The following RASGEF1A variants were observed in gnomAD, a reference collection of about 807,000 sequenced individuals.
RASGEF1A encodes RasGEF domain family member 1A.
A neutral mutation model predicts 56.4 loss-of-function variants in RASGEF1A; 18 were observed. The observed-to-expected ratio is 0.32, with a 90% CI of 0.22 to 0.47. The LOEUF (loss-of-function observed/expected upper bound fraction) is 0.47, where lower values mean the gene tolerates loss of function less well. RASGEF1A is among the 20% of genes least tolerant of loss of function. RASGEF1A has a pLI of 1.00. For synonymous variants in RASGEF1A, 245 were observed against 242.6 expected (o/e 1.01, Z -0.09); for missense variants, 422 against 627.1 (o/e 0.67, Z 3.49).
chr10:43,229,568 C>A lies in RASGEF1A; in HGVS notation c.-6-23446G>T, dbSNP rs1445596638. The A allele has an allele frequency of 1.4e-5, 19 of 1,335,760 alleles. No individual in the cohort carries two copies. In the East Asian group the frequency reaches 1.8e-4, roughly 12 times the overall value. The allele number at this position is 1,335,760 out of a possible 1,614,324, so 82.7% of individuals were successfully genotyped here. A position where few individuals can be genotyped will look rare whatever the true frequency, so the allele number is the denominator to read the frequency against. On this transcript the variant is annotated intron_variant, in intron 1 of 12. Transcript: ENST00000395810. ...GGTCGGGATGCAGGGGACCGTCGCA[C>A]CCCTCCCGAGCCCGACAGCGCAAGA...
intron 1 of RASGEF1A, among the ~76,000 whole-genome samples, chr10:43,232,862 G>A (rs963574004): frequency 6.6e-6 from 1 of 152,174 alleles, no homozygotes; most frequent in Non-Finnish European, 1.5e-5. Context: ...CACCCTTGCT[G>A]TCTCCACACA....
intron 2 of RASGEF1A, 49 bp from the exon 3 acceptor site, chr10:43,203,469 C>T: frequency 1.4e-6 from 2 of 1,473,592 alleles, no homozygotes; most frequent in South Asian, 1.4e-5. Flanking sequence ...AGGCAGGCCC[C>T]CGGGGGCTCA....
intron 1 of RASGEF1A, among the ~76,000 whole-genome samples, chr10:43,245,026 G>T (rs7073849): frequency 6.6e-6 from 1 of 151,740 alleles, no homozygotes; most frequent in Non-Finnish European, 1.5e-5. Flanking sequence ...CCAAAAATGG[G>T]TTCTTTGAAA....
chr10:43,201,518 C>T (rs1564528902), intron 4 of RASGEF1A, among the ~76,000 whole-genome samples: 1 of 152,246 alleles, frequency 6.6e-6, no homozygotes, highest in Admixed American at 6.5e-5. Context: ...GGCTCCCACT[C>T]CAGGGACAAG....
chr10:43,259,894 C>T (rs981176052), intron 1 of RASGEF1A, among the ~76,000 whole-genome samples: 2 of 151,930 alleles, frequency 1.3e-5, no homozygotes, highest in Admixed American at 6.6e-5. Flanking sequence ...GGATGGCCAG[C>T]TCAGGAGCTG....
chr10:43,215,614 G>C (rs1339909229), intron 1 of RASGEF1A, among the ~76,000 whole-genome samples: 2 of 152,210 alleles, frequency 1.3e-5, no homozygotes, highest in African/African-American at 2.4e-5. Flanking sequence ...CCGGCACTGG[G>C]GTGGGGAAGG....
chr10:43,203,340 G>A lies in RASGEF1A; in HGVS notation c.279C>T (p.Ile93=). Residue 93 remains isoleucine, a synonymous_variant, in exon 3 of 13, where the codon ATC becomes ATT. Coordinates refer to ENST00000395810, the MANE Select transcript of RASGEF1A (RefSeq NM_145313.4). ...CCAGCTGCTGCTTCTGCTCCACGCA[G>A]ATCTGCCCCACGCGGGCCAGCAGGT... ...PHDLLARVGQ[I]CVEQKQQLEA... The A allele has an allele frequency of 6.3e-7, 1 of 1,580,526 alleles. No homozygotes were observed. The highest frequency in any genetic ancestry group is 8.6e-7 in the Non-Finnish European group (1 of 1,163,488).
chr10:43,200,164 A>C lies in RASGEF1A; in HGVS notation c.756+18T>G. On this transcript the variant is annotated intron_variant, in intron 6 of 12. Transcript: ENST00000395810. ...CAGACAGGGCTGGCAGGGGTGCCAC[A>C]GGCCTTGGCCCACTTACCCTGTGGT... is the stretch of plus-strand genomic sequence containing the variant. 1 of 1,578,416 alleles carries C rather than the reference A, an allele frequency of 6.3e-7. No homozygotes were observed.
At chr10:43,203,455 G>T in intron 2 of RASGEF1A, 35 bp from the exon 3 acceptor site, 1 of 1,489,232 alleles carries the variant, frequency 6.7e-7, no homozygotes, top group South Asian at 1.3e-5. Flanking sequence ...GCGGAGGGAG[G>T]GTGAGGCAGG....
At chr10:43,255,721 T>A (rs1840680435) in intron 1 of RASGEF1A, among the ~76,000 whole-genome samples, 1 of 152,228 alleles carries the variant, frequency 6.6e-6, no homozygotes, top group Non-Finnish European at 1.5e-5. Context: ...GACTCCCATG[T>A]CAGGGGAACC....
At chr10:43,222,305 T>C (rs1401739668) in intron 1 of RASGEF1A, among the ~76,000 whole-genome samples, 1 of 152,208 alleles carries the variant, frequency 6.6e-6, no homozygotes, top group Non-Finnish European at 1.5e-5. Flanking sequence ...TCCAAAGTGG[T>C]AAGTGTCTTC....
intron 1 of RASGEF1A, chr10:43,208,002 G>A (rs922177016): frequency 1.0e-6 from 1 of 964,012 alleles, no homozygotes; most frequent in South Asian, 4.8e-5. Flanking sequence ...ATTCACCTGT[G>A]TATCCTATCG....
At chr10:43,227,852 A>T (rs193251251) in intron 1 of RASGEF1A, among the ~76,000 whole-genome samples, 3 of 152,086 alleles carry the variant, frequency 2.0e-5, no homozygotes, top group African/African-American at 7.2e-5. Context: ...CCCCATCTCA[A>T]TGAAAACAGC....
chr10:43,229,506 G>A lies in RASGEF1A; in HGVS notation c.-6-23384C>T, dbSNP rs960241701. The A allele has an allele frequency of 1.2e-5, 8 of 669,228 alleles. No homozygotes were observed. In the South Asian group the frequency reaches 1.4e-4, roughly 11 times the overall value. 41.5% of individuals were successfully genotyped at this position (669,228 alleles called of 1,614,324 possible). On this transcript the variant is annotated intron_variant, in intron 1 of 12. Coordinates refer to ENST00000395810, the MANE Select transcript of RASGEF1A (RefSeq NM_145313.4). ...GCTCCAGCGGGGACGCACAGAGGGC[G>A]GCGCGCGGGTCCTCAGGGCGGGCAC...
Position 43,265,454 on chromosome 10 carries a change from C to T in RASGEF1A, c.-7+1391G>A, listed in dbSNP as rs187026566. Reference sequence around the variant, plus strand: ...GAGTGTGGGCCTGCTGCACCCGCCTCGCTGGGTCACTACCACCCACAGCCC... The same window carrying T: ...GAGTGTGGGCCTGCTGCACCCGCCTTGCTGGGTCACTACCACCCACAGCCC... On this transcript the variant is annotated intron_variant, in intron 1 of 12. Transcript: ENST00000395810. Among the ~76,000 whole-genome samples the T allele has an allele frequency of 2.8e-4, 43 of 152,358 alleles. 1 individual carries two copies. The East Asian group carries it at 6.9e-3, about 25-fold the overall frequency.
intron 1 of RASGEF1A, among the ~76,000 whole-genome samples, chr10:43,224,801 T>C (rs1840251700): frequency 6.6e-6 from 1 of 152,274 alleles, no homozygotes; most frequent in Admixed American, 6.5e-5. Context: ...CTGTTCCTTA[T>C]GTGTAAGTAA....
chr10:43,235,502 G>C (rs1840419165), intron 1 of RASGEF1A, among the ~76,000 whole-genome samples: 1 of 152,236 alleles, frequency 6.6e-6, no homozygotes, highest in African/African-American at 2.4e-5. Flanking sequence ...GGGAAGGCAG[G>C]AATGCCAGGC....
intron 1 of RASGEF1A, among the ~76,000 whole-genome samples, chr10:43,231,734 G>GT (rs969242984): frequency 1.3e-5 from 2 of 152,254 alleles, no homozygotes; most frequent in African/African-American, 4.8e-5. Context: ...ATCCTTCCTG[G>GT]TGCCTGAGGA....
chr10:43,260,076 T>C (rs1743994351), intron 1 of RASGEF1A, among the ~76,000 whole-genome samples: 1 of 152,202 alleles, frequency 6.6e-6, no homozygotes, highest in Non-Finnish European at 1.5e-5. Context: ...ATCAGTGTAA[T>C]GATGCTGGCA....
Sources: allele counts gnomAD v4.1 joint callset (sites outside exome capture counted in the v4.1 genomes callset), GRCh38; gene constraint gnomAD v4.1.1; transcripts MANE v1.5; gene names NCBI Gene and HGNC (gene_info 2026-07-23, HGNC 2026-07-21).